KIF26B: variants seen among roughly 807,000 people sequenced by gnomAD.
KIF26B encodes the protein kinesin family member 26B, also known as kinesin-like protein KIF26B.
Under a neutral mutation model 151.2 loss-of-function variants are expected in KIF26B, and 63 were observed. The ratio of observed to expected loss-of-function variants is 0.42; its 90% CI spans 0.34 to 0.51. The LOEUF is 0.51. KIF26B is among the 20% of genes least tolerant of loss of function. KIF26B has a pLI of 0.07. For missense variants in KIF26B, 2,813 were observed against 2,913.6 expected (o/e 0.97, Z 0.79); for synonymous variants, 1,357 against 1,262.1 (o/e 1.08, Z -1.59).
chr1:245,369,354 G>A (rs1673050455), intron 3 of KIF26B, among the ~76,000 whole-genome samples: 1 of 152,230 alleles, frequency 6.6e-6, no homozygotes, highest in Non-Finnish European at 1.5e-5. Flanking sequence ...GGGAAACGTG[G>A]AGTGAGTTAA....
At chr1:245,648,335 A>T (rs928296765) in intron 10 of KIF26B, among the ~76,000 whole-genome samples, 13 of 152,294 alleles carry the variant, frequency 8.5e-5, no homozygotes, top group African/African-American at 3.1e-4. Flanking sequence ...TTTTTTATAA[A>T]TGAGTAGGGA....
At position 245,367,818 on chromosome 1, in the gene KIF26B, T is replaced by C. The variant is rs1673000709; in HGVS notation, c.999+451T>C. On this transcript the variant is annotated intron_variant, in intron 3 of 14. Transcript: ENST00000407071. The surrounding 1 kb of genome is among the most constrained non-coding windows in gnomAD (Gnocchi z 4.2). ...GTCTTAGGCTCAAGTCCCTCATTTA[T>C]AAATGGATGTGAGTCACGAGAATTA... Among the ~76,000 whole-genome samples the C allele has an allele frequency of 6.6e-6, 1 of 152,234 alleles. No individual in the cohort carries two copies. The highest frequency in any genetic ancestry group is 1.5e-5 in the Non-Finnish European group (1 of 68,028).
chr1:245,212,139 G>A (rs1669548539), intron 2 of KIF26B, among the ~76,000 whole-genome samples: 1 of 152,204 alleles, frequency 6.6e-6, no homozygotes, highest in Admixed American at 6.5e-5. Flanking sequence ...AGTGGGCGGT[G>A]GGGCTGGCCT....
chr1:245,500,002 T>C (rs534586773), intron 4 of KIF26B, among the ~76,000 whole-genome samples: 1 of 152,340 alleles, frequency 6.6e-6, no homozygotes, highest in Admixed American at 6.5e-5. Context: ...AATGCGCACT[T>C]TGTTTTAGGC....
chr1:245,537,951 G>C lies in KIF26B; in HGVS notation c.1167-2816G>C, dbSNP rs1352809064. ...TCCTGGAAGAAAACACCAAGGGATT[G>C]AGTGAAGCAGTAAAGAGGACAAGGA... On this transcript the variant is annotated intron_variant, in intron 4 of 14. Transcript: ENST00000407071. 2.6e-5 allele frequency among the ~76,000 whole-genome samples: 4 copies of C among 152,210 alleles called. No homozygotes were observed. In the East Asian group the frequency reaches 5.8e-4, roughly 22 times the overall value.
At chr1:245,515,914 A>C (rs1006695226) in intron 4 of KIF26B, among the ~76,000 whole-genome samples, 5 of 152,164 alleles carry the variant, frequency 3.3e-5, no homozygotes, top group Admixed American at 3.3e-4. Context: ...GGTTTCTAAA[A>C]GCAGAGGAGG....
intron 2 of KIF26B, among the ~76,000 whole-genome samples, chr1:245,265,157 T>G (rs1046987868): frequency 2.0e-5 from 3 of 149,044 alleles, no homozygotes; most frequent in African/African-American, 7.5e-5. Flanking sequence ...AGTGGAGATC[T>G]TGCCACTGCA....
At chr1:245,652,583 C>T (rs1415958385) in intron 10 of KIF26B, among the ~76,000 whole-genome samples, 1 of 152,136 alleles carries the variant, frequency 6.6e-6, no homozygotes, top group Non-Finnish European at 1.5e-5. Flanking sequence ...GCAGAAGCTG[C>T]CACTACATTA....
intron 2 of KIF26B, among the ~76,000 whole-genome samples, chr1:245,224,285 C>CAAA (rs202239795): frequency 1.0e-5 from 1 of 99,714 alleles, no homozygotes; most frequent in Non-Finnish European, 2.5e-5. Flanking sequence ...AACTCCGTCT[C>CAAA]AAAGAAAAAA....
In KIF26B at chr1:245,686,708, A is replaced by C. The variant is rs774561843; in HGVS notation, c.3725A>C (p.Tyr1242Ser). 6.2e-7 allele frequency: 1 copy of C among 1,612,982 alleles called. No homozygotes were observed. The highest frequency in any genetic ancestry group is 1.7e-5 in the Admixed American group (1 of 59,946). The change falls in exon 12 of 15, where the codon TAC becomes TCC. Residue 1242 changes from tyrosine to serine, a missense_variant. Transcript: ENST00000407071. This position sits in a 1 kb window ranked among gnomAD's most constrained non-coding sequence, Gnocchi z 5.6. ...ISSISEDLEC[Y>S]SSTAPVSEVS... ...AGCATCAGCGAGGACCTGGAGTGCTACTCCAGCACGGCCCCCGTCTCCGAG... is the reference window on the plus strand; with the variant it reads ...AGCATCAGCGAGGACCTGGAGTGCTCCTCCAGCACGGCCCCCGTCTCCGAG...
intron 4 of KIF26B, among the ~76,000 whole-genome samples, chr1:245,440,653 A>G (rs1337299051): frequency 1.3e-5 from 2 of 152,224 alleles, no homozygotes; most frequent in Non-Finnish European, 2.9e-5. Context: ...ATTCTCAGCT[A>G]AGTGCCACAG....
intron 9 of KIF26B, among the ~76,000 whole-genome samples, chr1:245,613,083 C>T (rs1003476876): frequency 3.3e-5 from 5 of 152,112 alleles, no homozygotes; most frequent in Admixed American, 6.5e-5. Context: ...CTGGGCTGGC[C>T]GGGCAGTGGC....
At chr1:245,313,575 A>G (rs1029142008) in intron 2 of KIF26B, among the ~76,000 whole-genome samples, 1 of 152,194 alleles carries the variant, frequency 6.6e-6, no homozygotes, top group African/African-American at 2.4e-5. Context: ...TGAGCACCAC[A>G]TGGTCTGCAG....
chr1:245,329,766 T>C (rs1672063343), intron 2 of KIF26B, among the ~76,000 whole-genome samples: 1 of 152,026 alleles, frequency 6.6e-6, no homozygotes, highest in African/African-American at 2.4e-5. Context: ...AACAATAGAG[T>C]GACATGTATA....
chr1:245,313,375 C>T (rs979273033), intron 2 of KIF26B, among the ~76,000 whole-genome samples: 3 of 152,216 alleles, frequency 2.0e-5, no homozygotes, highest in Non-Finnish European at 4.4e-5. Context: ...GGAAAGCAGA[C>T]TGAAGAGCTT....
intron 2 of KIF26B, among the ~76,000 whole-genome samples, chr1:245,359,878 T>C (rs539163474): frequency 1.5e-3 from 213 of 144,230 alleles, no homozygotes; most frequent in African/African-American, 4.1e-3. Flanking sequence ...TTCTTTCTTT[T>C]TTTTTTTTTT....
At position 245,646,889 on chromosome 1, in the gene KIF26B, C is replaced by T. The variant is rs965608478; in HGVS notation, c.2258+609C>T. 8.6e-5 allele frequency among the ~76,000 whole-genome samples: 13 copies of T among 150,922 alleles called. 1 individual carries two copies. The highest frequency in any genetic ancestry group is 3.2e-4 in the African/African-American group (13 of 40,374). On this transcript the variant is annotated intron_variant, in intron 10 of 14. Transcript: ENST00000407071. The stretch of plus-strand genomic sequence containing the variant: ...CCTTCCTGTCTCTTTACTACTGCTC[C>T]AATTAAATTACAGCCGCTCCTATGT...
At chr1:245,681,247 T>C (rs2044433692) in intron 10 of KIF26B, among the ~76,000 whole-genome samples, 1 of 150,146 alleles carries the variant, frequency 6.7e-6, no homozygotes, top group Admixed American at 6.7e-5. Flanking sequence ...TCTCGCTCTG[T>C]CGCCCAGGCT....
At position 245,179,948 on chromosome 1, in the gene KIF26B, CAGTG is replaced by C. The variant is rs1489237339; in HGVS notation, c.465+23268_465+23271del. ...CGGGCCTGGGTGGTGAGGGCAAAGA[CAGTG>C]AGCAGAGGAGGCAGCGCCTGGGGGG... On this transcript the variant is annotated intron_variant, in intron 2 of 14. Transcript: ENST00000407071. 3.9e-5 allele frequency among the ~76,000 whole-genome samples: 6 copies of C among 152,288 alleles called. No homozygotes were observed. In the South Asian group the frequency reaches 8.3e-4, roughly 21 times the overall value.
Sources: gnomAD v4.1 joint callset for allele counts (sites outside exome capture counted in the v4.1 genomes callset) on GRCh38, gnomAD v4.1.1 for gene constraint, Gnocchi (gnomAD v3.1) non-coding constraint, MANE v1.5 for transcripts, NCBI Gene and HGNC (gene_info 2026-07-23, HGNC 2026-07-21) for gene names.